Variants in LRRN3 observed in about 807,000 individuals in gnomAD.
LRRN3 encodes leucine-rich repeat neuronal protein 3.
LRRN3 carries 15 observed loss-of-function variants against 40.1 expected under a neutral mutation model. That is an observed-to-expected ratio of 0.37 (90% CI 0.25 to 0.58). LRRN3 has a LOEUF of 0.58. Among genes scored for constraint, LRRN3 ranks in the 20% least tolerant of loss-of-function variants. The probability of loss-of-function intolerance (pLI) is 0.72; values close to 1 mark genes in which losing one functional copy is unlikely to be tolerated. For missense variants in LRRN3, 746 were observed against 837.7 expected (o/e 0.89, Z 1.35); for synonymous variants, 308 against 297.2 (o/e 1.04, Z -0.37).
chr7:111,122,822 C>A lies in LRRN3; in HGVS notation c.50C>A (p.Thr17Asn). Residue 17 changes from threonine to asparagine, a missense_variant, in exon 3 of 3, where the codon ACT becomes AAT. Coordinates refer to ENST00000308478, the MANE Select transcript of LRRN3 (RefSeq NM_001099658.2). ...RIHVLLGLAI[T>N]TLVQAVDKKV... Reference sequence around the variant, plus strand: ...CATGTGCTACTTGGCCTAGCTATCACTACACTAGTACAAGCTGTAGATAAA... The same window carrying A: ...CATGTGCTACTTGGCCTAGCTATCAATACACTAGTACAAGCTGTAGATAAA... 1 of 1,613,862 alleles carries A rather than the reference C, an allele frequency of 6.2e-7. No homozygotes were observed. The highest frequency in any genetic ancestry group is 8.5e-7 in the Non-Finnish European group (1 of 1,179,874).
intron 1 of LRRN3, among the ~76,000 whole-genome samples, chr7:111,093,630 T>C (rs1470141922): frequency 2.0e-5 from 3 of 152,202 alleles, no homozygotes; most frequent in African/African-American, 7.2e-5. Context: ...AAAGCTCACA[T>C]ACATATTTTG....
chr7:111,121,456 G>A (rs1006911026), intron 2 of LRRN3, among the ~76,000 whole-genome samples: 5 of 152,144 alleles, frequency 3.3e-5, no homozygotes, highest in African/African-American at 9.7e-5. Flanking sequence ...AGACATTTAT[G>A]CAGCCAAAAG....
chr7:111,096,072 T>A (rs1797366280), intron 1 of LRRN3, among the ~76,000 whole-genome samples: 1 of 152,028 alleles, frequency 6.6e-6, no homozygotes, highest in Non-Finnish European at 1.5e-5. Flanking sequence ...TTGACTCAAC[T>A]TGTAAGAAGG....
At chr7:111,110,892 A>T (rs137954799) in intron 2 of LRRN3, among the ~76,000 whole-genome samples, 4 of 152,300 alleles carry the variant, frequency 2.6e-5, no homozygotes, top group Non-Finnish European at 4.4e-5. Context: ...TGTGAAGGGA[A>T]AATTTCTTCT....
chr7:111,118,494 T>C (rs1002360937), intron 2 of LRRN3, among the ~76,000 whole-genome samples: 3 of 151,994 alleles, frequency 2.0e-5, no homozygotes, highest in African/African-American at 4.8e-5. Context: ...CTAAACTAGG[T>C]TTTAATCCCA....
chr7:111,110,965 A>C (rs541882341), intron 2 of LRRN3, among the ~76,000 whole-genome samples: 1 of 152,230 alleles, frequency 6.6e-6, no homozygotes, highest in African/African-American at 2.4e-5. Context: ...TTAAATCCTA[A>C]CCTGTGAAGC....
chr7:111,110,090 A>T (rs1407110866), intron 2 of LRRN3, among the ~76,000 whole-genome samples: 1 of 152,132 alleles, frequency 6.6e-6, no homozygotes, highest in Admixed American at 6.5e-5. Flanking sequence ...AGCTGAGATC[A>T]CGCCACTGCA....
At chr7:111,098,857 C>A (rs1035483575) in intron 1 of LRRN3, among the ~76,000 whole-genome samples, 1 of 151,670 alleles carries the variant, frequency 6.6e-6, no homozygotes, top group African/African-American at 2.4e-5. Flanking sequence ...GTTGGTACTG[C>A]CTAAATATAG....
chr7:111,120,778 A>G (rs190997222), intron 2 of LRRN3, among the ~76,000 whole-genome samples: 133 of 152,274 alleles, frequency 8.7e-4, no homozygotes, highest in African/African-American at 3.2e-3. Context: ...TGAAAATGGG[A>G]AACAGCTAAT....
intron 2 of LRRN3, among the ~76,000 whole-genome samples, chr7:111,100,940 C>G (rs1385922818): frequency 6.6e-6 from 1 of 151,458 alleles, no homozygotes; most frequent in Non-Finnish European, 1.5e-5. Context: ...TATTTGAAAA[C>G]TTTTAAATAT....
chr7:111,102,703 T>C (rs1328914644), intron 2 of LRRN3, among the ~76,000 whole-genome samples: 1 of 151,502 alleles, frequency 6.6e-6, no homozygotes, highest in Non-Finnish European at 1.5e-5. Flanking sequence ...AAAAAATAAA[T>C]AGAATAATCC....
intron 2 of LRRN3, among the ~76,000 whole-genome samples, chr7:111,105,230 T>C (rs1258079077): frequency 6.6e-6 from 1 of 151,914 alleles, no homozygotes; most frequent in African/African-American, 2.4e-5. Context: ...CTTATGTCAA[T>C]AGGCTGAAAA....
chr7:111,102,915 A>G (rs1011968895), intron 2 of LRRN3, among the ~76,000 whole-genome samples: 1 of 151,480 alleles, frequency 6.6e-6, no homozygotes, highest in Non-Finnish European at 1.5e-5. Context: ...TAAAACCCCA[A>G]TGTCCCAATT....
chr7:111,113,298 C>T (rs1397507220), intron 2 of LRRN3, among the ~76,000 whole-genome samples: 5 of 152,134 alleles, frequency 3.3e-5, no homozygotes, highest in African/African-American at 1.2e-4. Flanking sequence ...CTTTTTGCTG[C>T]CATCCTTTTA....
At chr7:111,102,459 A>C (rs1417330768) in intron 2 of LRRN3, among the ~76,000 whole-genome samples, 1 of 151,530 alleles carries the variant, frequency 6.6e-6, no homozygotes, top group Admixed American at 6.6e-5. Flanking sequence ...GTCTCTTTAG[A>C]TTGTCATTTT....
intron 2 of LRRN3, among the ~76,000 whole-genome samples, chr7:111,101,500 C>A (rs1385147118): frequency 6.6e-6 from 1 of 151,238 alleles, no homozygotes; most frequent in African/African-American, 2.4e-5. Flanking sequence ...AGATTCAAGT[C>A]TTTTTCTTTT....
chr7:111,123,085 T>C lies in LRRN3; in HGVS notation c.313T>C (p.Ser105Pro). The C allele has an allele frequency of 1.2e-6, 2 of 1,613,818 alleles. No individual in the cohort carries two copies. The highest frequency in any genetic ancestry group is 1.7e-6 in the Non-Finnish European group (2 of 1,179,912). ...CCTGGATTTATCTCAAAACAATTTATCTTCAGTCACCAATATTAATGTAAA... is the reference window on the plus strand; with the variant it reads ...CCTGGATTTATCTCAAAACAATTTACCTTCAGTCACCAATATTAATGTAAA... ...TGLDLSQNNL[S>P]SVTNINVKKM... is the part of the protein sequence containing the mutation. Residue 105 changes from serine to proline, a missense_variant, in exon 3 of 3, where the codon TCT becomes CCT. Ser to Pro is a moderately conservative substitution (Grantham distance 74). Coordinates refer to ENST00000308478, the MANE Select transcript of LRRN3 (RefSeq NM_001099658.2). The surrounding 1 kb of genome is among the most constrained non-coding windows in gnomAD (Gnocchi z 6.4).
intron 2 of LRRN3, among the ~76,000 whole-genome samples, chr7:111,104,325 A>G (rs1798303821): frequency 6.6e-6 from 1 of 151,772 alleles, no homozygotes; most frequent in Non-Finnish European, 1.5e-5. Flanking sequence ...TCTGTAATCC[A>G]CAGTTCAAAT....
chr7:111,100,397 T>C (rs1034892934), intron 2 of LRRN3, among the ~76,000 whole-genome samples: 1 of 148,604 alleles, frequency 6.7e-6, no homozygotes, highest in African/African-American at 2.4e-5. Context: ...ATATATATAA[T>C]AATATGCTTA....
Sources: allele counts gnomAD v4.1 joint callset (sites outside exome capture counted in the v4.1 genomes callset), GRCh38; gene constraint gnomAD v4.1.1; non-coding constraint Gnocchi (gnomAD v3.1); transcripts MANE v1.5; gene names NCBI Gene and HGNC (gene_info 2026-07-23, HGNC 2026-07-21).